The following UNC5C variants were observed in gnomAD, a reference collection of about 807,000 sequenced individuals.
UNC5C encodes the protein netrin receptor UNC5C.
A neutral mutation model predicts 99.8 loss-of-function variants in UNC5C; 47 were observed. The observed-to-expected ratio is 0.47, with a 90% confidence interval of 0.37 to 0.60. The LOEUF (loss-of-function observed/expected upper bound fraction) is 0.60. Among genes scored for constraint, UNC5C ranks in the 20% least tolerant of loss-of-function variants. The probability of loss-of-function intolerance (pLI) is 0.00; values close to 1 mark genes in which losing one functional copy is unlikely to be tolerated. For missense variants in UNC5C, 1,062 were observed against 1,165.9 expected (o/e 0.91, Z 1.30); for synonymous variants, 487 against 452.2 (o/e 1.08, Z -0.98).
chr4:95,327,475 T>TTATA (rs1282958718), intron 2 of UNC5C, among the ~76,000 whole-genome samples: 1 of 152,038 alleles, frequency 6.6e-6, no homozygotes, highest in Non-Finnish European at 1.5e-5. Flanking sequence ...CAACTGCTTG[T>TTATA]TATATGTTTC....
At chr4:95,200,237 A>C (rs1737603250) in intron 12 of UNC5C, among the ~76,000 whole-genome samples, 1 of 152,256 alleles carries the variant, frequency 6.6e-6, no homozygotes, top group Non-Finnish European at 1.5e-5. Context: ...TGATATTCAG[A>C]AAAACTTTCT....
intron 10 of UNC5C, among the ~76,000 whole-genome samples, chr4:95,213,682 T>A (rs2149365244): frequency 6.6e-6 from 1 of 152,240 alleles, no homozygotes; most frequent in Non-Finnish European, 1.5e-5. Flanking sequence ...TGGGATGCAA[T>A]AAAAGTAATC....
chr4:95,444,059 A>T (rs2149464567), intron 1 of UNC5C, among the ~76,000 whole-genome samples: 1 of 152,282 alleles, frequency 6.6e-6, no homozygotes, highest in Admixed American at 6.5e-5. Flanking sequence ...CATATATGCT[A>T]ATGGTCTCCT....
intron 1 of UNC5C, among the ~76,000 whole-genome samples, chr4:95,478,703 T>C (rs1295311490): frequency 1.3e-5 from 2 of 152,044 alleles, no homozygotes; most frequent in Non-Finnish European, 2.9e-5. Flanking sequence ...TTGACTCTAA[T>C]GTCCAAAATC....
Position 95,183,019 on chromosome 4 carries a change from G to T in UNC5C, c.2329C>A (p.Leu777Met). The change falls in exon 14 of 16, where the codon CTG becomes ATG. Residue 777 changes from leucine (L) to methionine (M), a missense_variant. This residue lies in a region of UNC5C where 810 missense variants were observed against 854.5 expected (regional missense o/e 0.95). Transcript: ENST00000453304. ...CTTTCCAGAGTGAAGGTGCAGTGCA[G>T]GTTTCTTTGAGATCCACTCCAAACA... Reference protein sequence around the residue: ...YHVWSGSQRNLHCTFTLERFS... With the variant: ...YHVWSGSQRNMHCTFTLERFS... The T allele has an allele frequency of 6.2e-7, 1 of 1,611,900 alleles. No homozygotes were observed. Among genetic ancestry groups the T allele is most frequent in the South Asian group, 1.1e-5 (1 of 90,830 alleles).
chr4:95,172,354 A>C (rs1430775965), intron 14 of UNC5C, among the ~76,000 whole-genome samples: 1 of 150,766 alleles, frequency 6.6e-6, no homozygotes, highest in African/African-American at 2.4e-5. Flanking sequence ...GTTTTCTTCT[A>C]GGGTTTTTAT....
chr4:95,350,250 G>A (rs1250658525), intron 1 of UNC5C, among the ~76,000 whole-genome samples: 2 of 152,106 alleles, frequency 1.3e-5, no homozygotes, highest in African/African-American at 2.4e-5. Flanking sequence ...CACTTTGGGA[G>A]GCCGAAGTGG....
chr4:95,189,342 A>C (rs941380160), intron 12 of UNC5C, among the ~76,000 whole-genome samples: 1 of 152,222 alleles, frequency 6.6e-6, no homozygotes, highest in African/African-American at 2.4e-5. Context: ...GCTGGAGTGC[A>C]GTGGCGTGAT....
chr4:95,341,507 GAGAA>G (rs10660525), intron 1 of UNC5C, among the ~76,000 whole-genome samples: 25 of 144,916 alleles, frequency 1.7e-4, no homozygotes, highest in East Asian at 1.0e-3. Context: ...AAGAAAGAGA[GAGAA>G]AGAAAGAAAG....
At chr4:95,261,766 C>T (rs1054641762) in intron 4 of UNC5C, among the ~76,000 whole-genome samples, 35 of 151,108 alleles carry the variant, frequency 2.3e-4, no homozygotes, top group African/African-American at 7.3e-4. Context: ...TGCGGTGGCG[C>T]GATCTCAGCT....
intron 5 of UNC5C, 33 bp downstream of exon 5, chr4:95,250,454 T>A (rs371439138): frequency 6.3e-7 from 1 of 1,589,140 alleles, no homozygotes; most frequent in African/African-American, 1.4e-5. Flanking sequence ...CAGTTAAACA[T>A]GAACTAGATT....
intron 10 of UNC5C, among the ~76,000 whole-genome samples, chr4:95,211,341 A>C (rs1465252297): frequency 1.3e-5 from 2 of 152,074 alleles, no homozygotes; most frequent in Admixed American, 1.3e-4. Context: ...CAAAAATAAT[A>C]TTTATGAAAG....
At chr4:95,505,719 A>C (rs1721899548) in intron 1 of UNC5C, among the ~76,000 whole-genome samples, 1 of 152,044 alleles carries the variant, frequency 6.6e-6, no homozygotes, top group Non-Finnish European at 1.5e-5. Context: ...CTGGGGGAAA[A>C]TATGTGTCAA....
At chr4:95,426,703 A>G (rs906956216) in intron 1 of UNC5C, among the ~76,000 whole-genome samples, 2 of 152,258 alleles carry the variant, frequency 1.3e-5, no homozygotes, top group African/African-American at 4.8e-5. Flanking sequence ...AGTGGTCTGG[A>G]TAGAAGATCA....
At chr4:95,305,154 A>G (rs1352699447) in intron 2 of UNC5C, among the ~76,000 whole-genome samples, 1 of 152,204 alleles carries the variant, frequency 6.6e-6, no homozygotes, top group Non-Finnish European at 1.5e-5. Context: ...CAGTTGTCCT[A>G]TTACATAGCC....
rs145349425 is a variant in UNC5C at position 95,233,438 on chromosome 4, T to C, written c.1108+8991A>G. On this transcript the variant is annotated intron_variant, in intron 7 of 15. Coordinates refer to ENST00000453304, the MANE Select transcript of UNC5C (RefSeq NM_003728.4). ...CCAAACTTACAAAGAGAATAAAAAC[T>C]AAAATCTATAGGAATGGTTGCAGTA... Among the ~76,000 whole-genome samples the C allele has an allele frequency of 2.9e-3, 434 of 152,280 alleles. 3 individuals are homozygous for C. Among genetic ancestry groups the C allele is most frequent in the African/African-American group, 9.6e-3 (400 of 41,562 alleles).
intron 7 of UNC5C, among the ~76,000 whole-genome samples, chr4:95,239,585 C>T (rs1237588929): frequency 6.6e-6 from 1 of 152,150 alleles, no homozygotes; most frequent in African/African-American, 2.4e-5. Flanking sequence ...ACACCGTTAC[C>T]TCTCTAGCTT....
intron 1 of UNC5C, among the ~76,000 whole-genome samples, chr4:95,350,657 G>T (rs955034560): frequency 7.2e-5 from 11 of 152,036 alleles, no homozygotes. Context: ...TAAACATAGG[G>T]TTAAGCCTTA....
At chr4:95,248,890 A>G (rs547316184) in intron 5 of UNC5C, among the ~76,000 whole-genome samples, 12 of 152,288 alleles carry the variant, frequency 7.9e-5, no homozygotes, top group Non-Finnish European at 1.3e-4. Flanking sequence ...AGCAGTGTAG[A>G]GTAATGTCCT....
Sources: gnomAD v4.1 joint callset for allele counts (sites outside exome capture counted in the v4.1 genomes callset) on GRCh38, gnomAD v4.1.1 for gene constraint, gnomAD v4.1.1 regional missense constraint, MANE v1.5 for transcripts, NCBI Gene and HGNC (gene_info 2026-07-23, HGNC 2026-07-21) for gene names.